Variants in IL11RA observed in about 807,000 individuals in gnomAD.
IL11RA encodes interleukin-11 receptor subunit alpha.
Under a neutral mutation model 57.0 loss-of-function variants are expected in IL11RA, and 51 were observed. That is an observed-to-expected ratio of 0.89 (90% CI 0.71 to 1.13). The LOEUF is 1.13. Among genes scored for constraint, IL11RA ranks in the 50% most tolerant of loss-of-function variants. The probability of loss-of-function intolerance (pLI) is 0.00; values close to 1 mark genes in which losing one functional copy is unlikely to be tolerated. For synonymous variants in IL11RA, 199 were observed against 217.5 expected, an observed-to-expected ratio of 0.91 and a Z score of 0.75; for missense variants, 498 against 539.4, an observed-to-expected ratio of 0.92 and a Z score of 0.76.
Position 34,656,734 on chromosome 9 carries a change from T to A in IL11RA, c.162-5T>A. 6.2e-7 allele frequency: 1 copy of A among 1,614,164 alleles called. No homozygotes were observed. The highest frequency in any genetic ancestry group is 2.2e-5 in the East Asian group (1 of 44,886). ...TTGTCCATTGTCACCTCATCTCACTTCCAGGGACCCAGTGTCCTGGTTTCG... is the reference window on the plus strand; with the variant it reads ...TTGTCCATTGTCACCTCATCTCACTACCAGGGACCCAGTGTCCTGGTTTCG... On this transcript the variant is annotated splice_region_variant and splice_polypyrimidine_tract_variant and intron_variant, in intron 3 of 12. Transcript: ENST00000441545.
Position 34,656,865 on chromosome 9 carries a change from C to T in IL11RA, c.288C>T (p.Thr96=), listed in dbSNP as rs911579661. The part of the protein sequence containing the change: ...STDEGTYICQ[T]LDGALGGTVT... ...ATGAGGGCACCTACATCTGCCAGACCCTGGATGGTGCACTTGGGGGCACAG... is the reference window on the plus strand; with the variant it reads ...ATGAGGGCACCTACATCTGCCAGACTCTGGATGGTGCACTTGGGGGCACAG... Residue 96 remains threonine (T), a synonymous_variant, in exon 4 of 13, where the codon ACC becomes ACT. Coordinates refer to ENST00000441545, the MANE Select transcript of IL11RA (RefSeq NM_001142784.3). 9.9e-6 allele frequency: 16 copies of T among 1,614,006 alleles called. No individual in the cohort carries two copies. In the African/African-American group the frequency reaches 1.6e-4, roughly 16 times the overall value.
chr9:34,659,400 G>A (rs1022697930), intron 8 of IL11RA, among the ~76,000 whole-genome samples: 1 of 152,166 alleles, frequency 6.6e-6, no homozygotes, highest in Non-Finnish European at 1.5e-5. Context: ...ACTTAGTGCT[G>A]CCTGCCTGTG....
At chr9:34,660,214 A>G in intron 9 of IL11RA, 60 bp from the exon 10 acceptor site, 1 of 1,613,028 alleles carries the variant, frequency 6.2e-7, no homozygotes, top group Non-Finnish European at 8.5e-7. Flanking sequence ...CCTTGAGCAC[A>G]GGACGTGACC....
At chr9:34,656,978 C>G in intron 4 of IL11RA, 57 bp from the exon 5 acceptor site, 1 of 1,611,020 alleles carries the variant, frequency 6.2e-7, no homozygotes, top group Non-Finnish European at 8.5e-7. Flanking sequence ...AGTAAGCCCT[C>G]TGGGACCAGG....
intron 3 of IL11RA, among the ~76,000 whole-genome samples, chr9:34,656,390 TG>T (rs1394647093): frequency 6.6e-6 from 1 of 152,166 alleles, no homozygotes; most frequent in East Asian, 1.9e-4. Context: ...GTGTTGAAGC[TG>T]ATTTCTGAAG....
At position 34,661,631 on chromosome 9, in the gene IL11RA, A is replaced by T. The variant is rs1821459062; in HGVS notation, c.*133A>T. The T allele has an allele frequency of 5.0e-6, 5 of 1,003,484 alleles. No homozygotes were observed. The highest frequency in any genetic ancestry group is 7.9e-6 in the Non-Finnish European group (5 of 635,358). 62.2% of individuals were successfully genotyped at this position (1,003,484 alleles called of 1,614,324 possible). On this transcript the variant is annotated 3_prime_UTR_variant, in exon 13 of 13. Coordinates refer to ENST00000441545, the MANE Select transcript of IL11RA (RefSeq NM_001142784.3). Reference sequence around the variant, plus strand: ...TCTGTTTGGAGCCCATTTCTGTGAGACCCTGTATTTCAAATTTGCAGCTGA... The same window carrying T: ...TCTGTTTGGAGCCCATTTCTGTGAGTCCCTGTATTTCAAATTTGCAGCTGA...
In IL11RA at chr9:34,656,892, G is replaced by C; in HGVS notation, c.315G>C (p.Val105=). The change falls in exon 4 of 13, where the codon GTG becomes GTC. Residue 105 remains valine, a synonymous_variant. Coordinates refer to ENST00000441545, the MANE Select transcript of IL11RA (RefSeq NM_001142784.3). The part of the protein sequence containing the change: ...QTLDGALGGT[V]TLQLGYPPAR... ...TGGATGGTGCACTTGGGGGCACAGT[G>C]ACCCTGCAGCTGGGCTGTGAGTTGG... 6.2e-7 allele frequency: 1 copy of C among 1,614,124 alleles called. No homozygotes were observed. The highest frequency in any genetic ancestry group is 2.2e-5 in the East Asian group (1 of 44,870).
Position 34,660,355 on chromosome 9 carries a change from C to T in IL11RA, c.1034C>T (p.Pro345Leu), listed in dbSNP as rs1349801898. The change falls in exon 10 of 13, where the codon CCT becomes CTT. Residue 345 changes from proline to leucine, a missense_variant. By Grantham distance (98) the Pro-to-Leu change is moderately conservative. Transcript: ENST00000441545. ...GAGCCTCAGGTGGACAGCCCTGCTC[C>T]TCCAAGGCCCTCCCTCCAACCACAC... ...EVEPQVDSPA[P>L]PRPSLQPHPR... The T allele has an allele frequency of 6.2e-7, 1 of 1,614,112 alleles. No homozygotes were observed. The highest frequency in any genetic ancestry group is 8.5e-7 in the Non-Finnish European group (1 of 1,180,024).
rs1821288591 is a variant in IL11RA, at chr9:34,653,529, T to G, written c.-1+1296T>G. Among the ~76,000 whole-genome samples the G allele has an allele frequency of 6.6e-6, 1 of 152,058 alleles. No individual in the cohort carries two copies. The highest frequency in any genetic ancestry group is 2.4e-5 in the African/African-American group (1 of 41,396). On this transcript the variant is annotated intron_variant, in intron 1 of 12. Coordinates refer to ENST00000441545, the MANE Select transcript of IL11RA (RefSeq NM_001142784.3). The surrounding 1 kb of genome is among the most constrained non-coding windows in gnomAD (Gnocchi z 4.5). ...AGCTGTACCCTAAGGAAACATTTGG[T>G]GAGGAGTGAAAAGAGGGGGAGTTTG...
At chr9:34,654,978 A>AG (rs1401667551) in intron 1 of IL11RA, 3 of 490,422 alleles carry the variant, frequency 6.1e-6, no homozygotes, top group East Asian at 7.5e-5. Flanking sequence ...GGAGGGTGTG[A>AG]GGGGGTGTGT....
intron 8 of IL11RA, 55 bp from the exon 9 acceptor site, chr9:34,659,704 C>A (rs1320761308): frequency 1.2e-6 from 2 of 1,609,622 alleles, no homozygotes; most frequent in East Asian, 4.5e-5. Context: ...TAGATGGTGG[C>A]TGGGAAGGCC....
Position 34,653,828 on chromosome 9 carries a change from G to T in IL11RA, c.1-1390G>T. 6.5e-6 allele frequency: 1 copy of T among 152,918 alleles called. No homozygotes were observed. Among genetic ancestry groups the T allele is most frequent in the East Asian group, 1.9e-4 (1 of 5,242 alleles). The allele number at this position is 152,918 out of a possible 1,614,324, so 9.5% of individuals were successfully genotyped here. A position where few individuals can be genotyped will look rare whatever the true frequency, so the allele number is the denominator to read the frequency against. On this transcript the variant is annotated intron_variant, in intron 1 of 12. Transcript: ENST00000441545. This position sits in a 1 kb window ranked among gnomAD's most constrained non-coding sequence, Gnocchi z 4.5. ...AGGAGGGAGGAGGCAGGAGCAGGGA[G>T]GGGGCCTGGCTAGGGGCGGCAGAGC... is the stretch of plus-strand genomic sequence containing the variant.
intron 1 of IL11RA, 115 bp from the exon 2 acceptor site, chr9:34,655,103 C>A: frequency 2.7e-6 from 2 of 753,504 alleles, no homozygotes; most frequent in Admixed American, 4.0e-5. Flanking sequence ...AACAGCCTTA[C>A]CCCACTTGGT....
rs751155032 is a variant in IL11RA, at chr9:34,656,817, C to T, written c.240C>T (p.Val80=). The T allele has an allele frequency of 6.2e-7, 1 of 1,614,150 alleles. No homozygotes were observed. Among genetic ancestry groups the T allele is most frequent in the South Asian group, 1.1e-5 (1 of 91,078 alleles). The change falls in exon 4 of 13, where the codon GTC becomes GTT. Residue 80 remains valine (V), a synonymous_variant. Transcript: ENST00000441545. ...GPDSGLGHEL[V]LAQADSTDEG... ...ACTCTGGGCTAGGGCATGAACTGGT[C>T]CTGGCCCAGGCAGACAGCACTGATG...
At chr9:34,655,893 T>A (rs538110039) in intron 3 of IL11RA, 60 of 597,638 alleles carry the variant, frequency 1.0e-4, no homozygotes, top group Non-Finnish European at 1.8e-4. Context: ...GCAGTGCTAA[T>A]GCCAGGCAAG....
At position 34,661,805 on chromosome 9, in the gene IL11RA, G is replaced by A; in HGVS notation, c.*307G>A. The A allele has an allele frequency of 4.3e-6, 4 of 929,968 alleles. No homozygotes were observed. In the South Asian group the frequency reaches 6.1e-5, roughly 14 times the overall value. The allele number at this position is 929,968 out of a possible 1,614,324, so 57.6% of individuals were successfully genotyped here. ...ATGCATGTATGTAGGTGCCTGGGGA[G>A]TGTGTGTGGGTCCTTGGCTCTTGGC... On this transcript the variant is annotated 3_prime_UTR_variant, in exon 13 of 13. Coordinates refer to ENST00000441545, the MANE Select transcript of IL11RA (RefSeq NM_001142784.3).
chr9:34,657,149 GGT>G lies in IL11RA; in HGVS notation c.446+10_446+11del, dbSNP rs1587246704. The G allele has an allele frequency of 6.2e-7, 1 of 1,612,682 alleles. No individual in the cohort carries two copies. Among genetic ancestry groups the G allele is most frequent in the Non-Finnish European group, 8.5e-7 (1 of 1,178,694 alleles). On this transcript the variant is annotated splice_donor_variant, in intron 5 of 12. Coordinates refer to ENST00000441545, the MANE Select transcript of IL11RA (RefSeq NM_001142784.3). LOFTEE classifies it high-confidence loss of function. ...CCCACCCGCTACCTCACCTCCTACAGGTGTGTGTGTGATTGGGTGTGGATGCC... is the reference window on the plus strand; with the variant it reads ...CCCACCCGCTACCTCACCTCCTACAGGTGTGTGTGATTGGGTGTGGATGCC...
rs1821458378 is a variant in IL11RA, at chr9:34,661,598, C to A, written c.*100C>A. The A allele has an allele frequency of 2.3e-6, 3 of 1,288,352 alleles. No homozygotes were observed. The highest frequency in any genetic ancestry group is 3.4e-6 in the Non-Finnish European group (3 of 884,016). 79.8% of individuals were successfully genotyped at this position (1,288,352 alleles called of 1,614,324 possible). On this transcript the variant is annotated 3_prime_UTR_variant, in exon 13 of 13. Coordinates refer to ENST00000441545, the MANE Select transcript of IL11RA (RefSeq NM_001142784.3). ...GTAGATCCCTATGGTTGGATCTCAGCTGGAAGTTCTGTTTGGAGCCCATTT... is the reference window on the plus strand; with the variant it reads ...GTAGATCCCTATGGTTGGATCTCAGATGGAAGTTCTGTTTGGAGCCCATTT...
intron 12 of IL11RA, 44 bp from the exon 13 acceptor site, chr9:34,661,438 T>C: frequency 3.7e-6 from 6 of 1,611,746 alleles, no homozygotes; most frequent in Middle Eastern, 2.0e-4. Flanking sequence ...TGGGCCAAGA[T>C]CCGGTCTTAC....
Sources: allele counts gnomAD v4.1 joint callset (sites outside exome capture counted in the v4.1 genomes callset), GRCh38; gene constraint gnomAD v4.1.1; non-coding constraint Gnocchi (gnomAD v3.1); transcripts MANE v1.5; gene names NCBI Gene and HGNC (gene_info 2026-07-23, HGNC 2026-07-21).